Variants in NAT2 observed in about 807,000 individuals in gnomAD.
The protein encoded by NAT2 is arylamine N-acetyltransferase 2.
For missense variants in NAT2, 428 were observed against 339.1 expected (o/e 1.26, Z -2.06); for synonymous variants, 137 against 125.9 (o/e 1.09, Z -0.59).
At chr8:18,394,445 A>G (rs1230723253) in intron 1 of NAT2, among the ~76,000 whole-genome samples, 1 of 152,170 alleles carries the variant, frequency 6.6e-6, no homozygotes, top group African/African-American at 2.4e-5. Flanking sequence ...TATTTACTAT[A>G]TAGGCTCCTT....
In NAT2 at chr8:18,397,086, T is replaced by C. The variant is rs531215370; in HGVS notation, c.-6-2912T>C. On this transcript the variant is annotated intron_variant, in intron 1 of 1. Coordinates refer to ENST00000286479, the MANE Select transcript of NAT2 (RefSeq NM_000015.3). ...AACATGCCTAAAAATTATAGAGTGA[T>C]TTCATCTATAAAGTACTGATACCTG... 3.9e-5 allele frequency among the ~76,000 whole-genome samples: 6 copies of C among 152,320 alleles called. No homozygotes were observed. The South Asian group carries it at 1.2e-3, about 32-fold the overall frequency.
At chr8:18,395,318 C>T (rs1215697280) in intron 1 of NAT2, among the ~76,000 whole-genome samples, 2 of 152,086 alleles carry the variant, frequency 1.3e-5, no homozygotes, top group Non-Finnish European at 2.9e-5. Flanking sequence ...TTAGGACAGC[C>T]ATGGTCAAGG....
At chr8:18,392,512 G>A (rs1365582557) in intron 1 of NAT2, among the ~76,000 whole-genome samples, 1 of 152,182 alleles carries the variant, frequency 6.6e-6, no homozygotes, top group Non-Finnish European at 1.5e-5. Context: ...ACATTCTTCT[G>A]CCTACTTTCA....
chr8:18,394,010 C>T (rs894410755), intron 1 of NAT2, among the ~76,000 whole-genome samples: 5 of 152,102 alleles, frequency 3.3e-5, no homozygotes, highest in African/African-American at 4.8e-5. Context: ...GTTTATTTCA[C>T]CTGGGTGCAG....
chr8:18,396,674 A>G (rs1261766730), intron 1 of NAT2, among the ~76,000 whole-genome samples: 1 of 152,198 alleles, frequency 6.6e-6, no homozygotes, highest in African/African-American at 2.4e-5. Context: ...GATGACAGGC[A>G]TGAACCAATG....
intron 1 of NAT2, among the ~76,000 whole-genome samples, chr8:18,392,200 C>G (rs1800602243): frequency 6.6e-6 from 1 of 152,126 alleles, no homozygotes; most frequent in Admixed American, 6.5e-5. Flanking sequence ...AGCCAGGACC[C>G]TTTAGAGGGC....
upstream of NAT2, among the ~76,000 whole-genome samples, chr8:18,389,243 T>G (rs894311096): frequency 6.6e-6 from 1 of 152,142 alleles, no homozygotes; most frequent in Non-Finnish European, 1.5e-5. Context: ...CATTGACAAT[T>G]CCTCTCCCAC....
chr8:18,398,219 A>G (rs1800725142), intron 1 of NAT2, among the ~76,000 whole-genome samples: 1 of 152,192 alleles, frequency 6.6e-6, no homozygotes, highest in Non-Finnish European at 1.5e-5. Context: ...CCTAATGCCA[A>G]TGGACTGGGG....
At chr8:18,388,504 C>CAAAAAAAAA (rs11390514), upstream of NAT2, among the ~76,000 whole-genome samples, 11 of 78,466 alleles carry the variant, frequency 1.4e-4, no homozygotes, top group South Asian at 6.0e-4. Flanking sequence ...AGATAATAAG[C>CAAAAAAAAA]AAAAAAAAAA....
At chr8:18,391,960 A>G (rs1585135258) in intron 1 of NAT2, among the ~76,000 whole-genome samples, 1 of 152,326 alleles carries the variant, frequency 6.6e-6, no homozygotes, top group African/African-American at 2.4e-5. Flanking sequence ...CTTTAGACAA[A>G]ACTTAACTCT....
At chr8:18,386,574 A>G (rs1800509345), upstream of NAT2, among the ~76,000 whole-genome samples, 1 of 152,006 alleles carries the variant, frequency 6.6e-6, no homozygotes. Context: ...GTGCCCATAC[A>G]CCCCACCCCG....
chr8:18,390,475 T>G (rs1381199345), upstream of NAT2, among the ~76,000 whole-genome samples: 2 of 152,188 alleles, frequency 1.3e-5, no homozygotes, highest in Non-Finnish European at 2.9e-5. Flanking sequence ...GTGACAGACA[T>G]GCTAATTACC....
intron 1 of NAT2, 47 bp from the exon 2 acceptor site, chr8:18,399,951 A>T (rs987814531): frequency 6.0e-6 from 9 of 1,511,314 alleles, no homozygotes; most frequent in Non-Finnish European, 8.0e-6. Context: ...CGAGGAAATC[A>T]AATGCTAAAG....
At position 18,400,352 on chromosome 8, in the gene NAT2, A is replaced by G; in HGVS notation, c.349A>G (p.Arg117Gly). 1 of 1,613,106 alleles carries G rather than the reference A, an allele frequency of 6.2e-7. No individual in the cohort carries two copies. The highest frequency in any genetic ancestry group is 1.3e-5 in the African/African-American group (1 of 74,942). Reference protein sequence around the residue: ...HLLLQVTIDGRNYIVDAGSGS... With the variant: ...HLLLQVTIDGGNYIVDAGSGS... The stretch of plus-strand genomic sequence containing the variant: ...TCTCCTGCAGGTGACCATTGACGGC[A>G]GGAATTACATTGTCGATGCTGGGTC... The change falls in exon 2 of 2, where the codon AGG (arginine) becomes GGG (glycine). Residue 117 changes from arginine to glycine, a missense_variant. By Grantham distance (125) the Arg-to-Gly change is moderately radical. Transcript: ENST00000286479.
upstream of NAT2, among the ~76,000 whole-genome samples, chr8:18,390,576 A>C (rs1328424913): frequency 6.6e-6 from 1 of 152,128 alleles, no homozygotes; most frequent in African/African-American, 2.4e-5. Context: ...AAAAAACATT[A>C]TATACAATGT....
upstream of NAT2, among the ~76,000 whole-genome samples, chr8:18,391,019 G>A (rs921541677): frequency 6.6e-6 from 1 of 152,230 alleles, no homozygotes; most frequent in Non-Finnish European, 1.5e-5. Flanking sequence ...TGGGAAGTCT[G>A]GCATCAGACT....
chr8:18,395,511 T>C (rs1800668779), intron 1 of NAT2, among the ~76,000 whole-genome samples: 1 of 152,184 alleles, frequency 6.6e-6, no homozygotes, highest in African/African-American at 2.4e-5. Flanking sequence ...CCATTTCATA[T>C]TTGACAATGT....
At chr8:18,394,190 G>A (rs958416521) in intron 1 of NAT2, among the ~76,000 whole-genome samples, 2 of 152,204 alleles carry the variant, frequency 1.3e-5, no homozygotes, top group Middle Eastern at 3.2e-3. Context: ...GATGAGCCAG[G>A]AGAAGGAATT....
At chr8:18,393,156 T>C (rs1800618499) in intron 1 of NAT2, among the ~76,000 whole-genome samples, 1 of 152,016 alleles carries the variant, frequency 6.6e-6, no homozygotes, top group East Asian at 1.9e-4. Context: ...TTTTCTTCAG[T>C]CCCCACTTTG....
Sources: allele counts gnomAD v4.1 joint callset (sites outside exome capture counted in the v4.1 genomes callset), GRCh38; gene constraint gnomAD v4.1.1; transcripts MANE v1.5; gene names NCBI Gene and HGNC (gene_info 2026-07-23, HGNC 2026-07-21).